PDE7A: variants seen among roughly 807,000 people sequenced by gnomAD.
PDE7A encodes the protein high affinity 3',5'-cyclic-AMP phosphodiesterase 7A.
In PDE7A, 39 loss-of-function variants were observed where a neutral mutation model predicts 64.3. The observed-to-expected ratio is 0.61, with a 90% CI of 0.47 to 0.79. PDE7A has a LOEUF of 0.79. PDE7A is among the 30% of genes least tolerant of loss of function. PDE7A has a pLI of 0.00. For missense variants in PDE7A, 470 were observed against 582.8 expected (o/e 0.81, Z 1.99); for synonymous variants, 203 against 206.8 (o/e 0.98, Z 0.16).
At chr8:65,772,835 C>T (rs760086761) in intron 3 of PDE7A, among the ~76,000 whole-genome samples, 2 of 152,012 alleles carry the variant, frequency 1.3e-5, no homozygotes, top group African/African-American at 2.4e-5. Flanking sequence ...GAAACCCTAT[C>T]TTTAATAAAA....
At chr8:65,758,738 C>G (rs1480305610) in intron 3 of PDE7A, among the ~76,000 whole-genome samples, 1 of 152,216 alleles carries the variant, frequency 6.6e-6, no homozygotes, top group African/African-American at 2.4e-5. Context: ...TGTCTGACAA[C>G]TGTTGGCCAC....
At chr8:65,819,177 G>A (rs1305924943) in intron 1 of PDE7A, among the ~76,000 whole-genome samples, 2 of 152,208 alleles carry the variant, frequency 1.3e-5, no homozygotes, top group Non-Finnish European at 2.9e-5. Context: ...TGAAAGGACT[G>A]GAGGCCAGGA....
chr8:65,826,458 A>C (rs1034530840), intron 1 of PDE7A, among the ~76,000 whole-genome samples: 2 of 152,224 alleles, frequency 1.3e-5, no homozygotes, highest in African/African-American at 4.8e-5. Context: ...AAAACATCCC[A>C]GGTTCTCCTA....
rs75751850 is a variant in PDE7A at position 65,825,408 on chromosome 8, A to C, written c.138+15963T>G. ...GGATTTATACCTCCCACTTACCAAG[A>C]ACATCAGCCTCCACACCAGCATAGC... On this transcript the variant is annotated intron_variant, in intron 1 of 12. Coordinates refer to ENST00000401827, the MANE Select transcript of PDE7A (RefSeq NM_001242318.3). Among the ~76,000 whole-genome samples, 1,170 of 152,308 alleles carry C rather than the reference A, an allele frequency of 7.7e-3. 15 individuals carry two copies. Among genetic ancestry groups the C allele is most frequent in the African/African-American group, 0.027 (1,107 of 41,548 alleles).
chr8:65,834,756 T>C (rs1326007290), intron 1 of PDE7A, among the ~76,000 whole-genome samples: 1 of 152,168 alleles, frequency 6.6e-6, no homozygotes, highest in African/African-American at 2.4e-5. Flanking sequence ...GGTGGAGGCA[T>C]GGAGCAGTGT....
intron 7 of PDE7A, among the ~76,000 whole-genome samples, chr8:65,732,060 A>G (rs149499131): frequency 0.04 from 6,127 of 152,114 alleles, 183 homozygotes; most frequent in Non-Finnish European, 0.062. Flanking sequence ...ACGCAGTGGC[A>G]TGATCTCGGT....
chr8:65,801,659 T>TAGGAGAACATGATACAAATTTATGCA (rs1809990550), intron 1 of PDE7A, among the ~76,000 whole-genome samples: 1 of 152,128 alleles, frequency 6.6e-6, no homozygotes, highest in Admixed American at 6.5e-5. Flanking sequence ...AAGTAATAGC[T>TAGGAGAACATGATACAAATTTATGCA]TGAGTCAAAT....
At chr8:65,832,900 G>A (rs1295321570) in intron 1 of PDE7A, among the ~76,000 whole-genome samples, 2 of 152,046 alleles carry the variant, frequency 1.3e-5, no homozygotes, top group African/African-American at 4.8e-5. Flanking sequence ...CTGAGGTAAC[G>A]TCCTTTTCCC....
chr8:65,746,601 A>G (rs1361309127), intron 4 of PDE7A, among the ~76,000 whole-genome samples: 1 of 152,178 alleles, frequency 6.6e-6, no homozygotes, highest in African/African-American at 2.4e-5. Context: ...TTTTCTAGAA[A>G]AAAACTTATA....
In PDE7A at chr8:65,821,190, AC is replaced by A. The variant is rs1810533540; in HGVS notation, c.138+20180del. 2.0e-5 allele frequency among the ~76,000 whole-genome samples: 3 copies of A among 151,894 alleles called. No individual in the cohort carries two copies. The South Asian group carries it at 6.2e-4, about 32-fold the overall frequency. Reference sequence around the variant, plus strand: ...AAAAAACAAAACAAAACAAAAAAAAACCCTTTTTTCATATTTGTATTTTTTT... The same window carrying A: ...AAAAAACAAAACAAAACAAAAAAAAACCTTTTTTCATATTTGTATTTTTTT... On this transcript the variant is annotated intron_variant, in intron 1 of 12. Coordinates refer to ENST00000401827, the MANE Select transcript of PDE7A (RefSeq NM_001242318.3).
At position 65,727,267 on chromosome 8, in the gene PDE7A, A is replaced by G; in HGVS notation, c.731T>C (p.Leu244Pro). The G allele has an allele frequency of 5.0e-6, 8 of 1,613,456 alleles. No individual in the cohort carries two copies. The highest frequency in any genetic ancestry group is 6.8e-6 in the Non-Finnish European group (8 of 1,179,396). The stretch of plus-strand genomic sequence containing the variant: ...ATGAGTGGCAGCTGCAATTAAGCTC[A>G]GCAAGATATCCCAAGGAGTTACAGA... ...ANSVTPWDIL[L>P]SLIAAATHDL... The change falls in exon 8 of 13, where the codon CTG becomes CCG. Residue 244 changes from leucine to proline, a missense_variant. Transcript: ENST00000401827.
Position 65,727,321 on chromosome 8 carries a change from T to C in PDE7A, c.697-20A>G. 3 of 1,612,188 alleles carry C rather than the reference T, an allele frequency of 1.9e-6. No homozygotes were observed. The highest frequency in any genetic ancestry group is 2.5e-6 in the Non-Finnish European group (3 of 1,178,936). On this transcript the variant is annotated intron_variant, in intron 7 of 12. Coordinates refer to ENST00000401827, the MANE Select transcript of PDE7A (RefSeq NM_001242318.3). ...GGCAAGCTGAAGTGTGACAAAAGAA[T>C]AATGAATCACAGATATATCTAAAAT...
At position 65,729,908 on chromosome 8, in the gene PDE7A, G is replaced by T. The variant is rs1806781030; in HGVS notation, c.697-2607C>A. The stretch of plus-strand genomic sequence containing the variant: ...TCTTGACACATTATGTCCATCCTGA[G>T]AAATTACTGAAAGAAATGAACCTCC... On this transcript the variant is annotated intron_variant, in intron 7 of 12. Transcript: ENST00000401827. Among the ~76,000 whole-genome samples the T allele has an allele frequency of 3.3e-5, 5 of 151,944 alleles. No individual in the cohort carries two copies. The South Asian group carries it at 1.0e-3, about 31-fold the overall frequency.
Position 65,804,907 on chromosome 8 carries a change from G to A in PDE7A, c.139-22064C>T, listed in dbSNP as rs546687441. On this transcript the variant is annotated intron_variant, in intron 1 of 12. Transcript: ENST00000401827. ...AGCTGGAGTACAGTAGTGTGATCAA[G>A]GCTCACTGCAGCCATGACCTCCTAG... 4.6e-5 allele frequency among the ~76,000 whole-genome samples: 7 copies of A among 152,148 alleles called. No individual in the cohort carries two copies. In the East Asian group the frequency reaches 1.4e-3, roughly 29 times the overall value.
chr8:65,788,897 C>T (rs751105936), intron 1 of PDE7A: 10 of 1,611,564 alleles, frequency 6.2e-6, no homozygotes, highest in Non-Finnish European at 8.5e-6. Context: ...AGGTGATCCA[C>T]TTGATAAGAA....
intron 1 of PDE7A, among the ~76,000 whole-genome samples, chr8:65,821,631 A>C (rs747914407): frequency 4.1e-4 from 63 of 152,326 alleles, no homozygotes; most frequent in Non-Finnish European, 8.5e-4. Context: ...ATAAATGTTC[A>C]TTTTTAGAGC....
At chr8:65,775,207 T>C (rs1363573230) in intron 3 of PDE7A, among the ~76,000 whole-genome samples, 3 of 152,234 alleles carry the variant, frequency 2.0e-5, no homozygotes, top group African/African-American at 7.2e-5. Flanking sequence ...GCAACTTATC[T>C]CTTTTATTGC....
At chr8:65,807,469 C>T (rs981021170) in intron 1 of PDE7A, among the ~76,000 whole-genome samples, 12 of 152,178 alleles carry the variant, frequency 7.9e-5, no homozygotes, top group African/African-American at 2.9e-4. Context: ...ATCATATCAT[C>T]TATGACTAGA....
intron 1 of PDE7A, among the ~76,000 whole-genome samples, chr8:65,798,212 T>A (rs1443249447): frequency 1.6e-5 from 2 of 126,420 alleles, no homozygotes; most frequent in African/African-American, 7.2e-5. Context: ...ATATATTTTT[T>A]TTTTTTTGAG....
Sources: allele counts gnomAD v4.1 joint callset (sites outside exome capture counted in the v4.1 genomes callset), GRCh38; gene constraint gnomAD v4.1.1; transcripts MANE v1.5; gene names NCBI Gene and HGNC (gene_info 2026-07-23, HGNC 2026-07-21).